Variants in HMCN1 observed in about 807,000 individuals in gnomAD.
The protein encoded by HMCN1 is hemicentin-1.
HMCN1 carries 321 observed loss-of-function variants against 625.9 expected under a neutral mutation model. The observed-to-expected ratio is 0.51, with a 90% CI of 0.47 to 0.56. The LOEUF is 0.56. Among genes scored for constraint, HMCN1 ranks in the 20% least tolerant of loss-of-function variants. HMCN1 has a pLI of 0.00. For synonymous variants in HMCN1, 2,425 were observed against 2,417.6 expected (o/e 1.00, Z -0.09); for missense variants, 6,588 against 6,887.3 (o/e 0.96, Z 1.54).
At chr1:186,121,080 G>T (rs1280102636) in intron 80 of HMCN1, among the ~76,000 whole-genome samples, 3 of 152,180 alleles carry the variant, frequency 2.0e-5, no homozygotes, top group Non-Finnish European at 2.9e-5. Flanking sequence ...GGTTGGTGGA[G>T]TGTCCAAAGG....
chr1:185,734,800 C>A lies in HMCN1; in HGVS notation c.21C>A (p.Val7=), dbSNP rs755563614. ...AGAAAATGATTTCCTGGGAAGTTGT[C>A]CATACAGTATTCCTGTTTGCTCTTC... MISWEV[V]HTVFLFALLY... Residue 7 remains valine (V), a synonymous_variant, in exon 1 of 107, where the codon GTC becomes GTA. Coordinates refer to ENST00000271588, the MANE Select transcript of HMCN1 (RefSeq NM_031935.3). The A allele has an allele frequency of 2.5e-6, 4 of 1,614,096 alleles. No individual in the cohort carries two copies. The highest frequency in any genetic ancestry group is 2.2e-5 in the South Asian group (2 of 91,078).
intron 46 of HMCN1, 81 bp downstream of exon 46, chr1:186,057,482 T>G (rs1453150590): frequency 1.0e-6 from 1 of 999,324 alleles, no homozygotes; most frequent in African/African-American, 1.6e-5. Context: ...TTGCTCAGTG[T>G]TTTTATTGTT....
intron 31 of HMCN1, 147 bp downstream of exon 31, chr1:186,015,584 TG>T: frequency 1.2e-6 from 1 of 842,610 alleles, no homozygotes; most frequent in Non-Finnish European, 1.9e-6. Context: ...TTCCATGATT[TG>T]GAAAAATATT....
chr1:186,136,201 CTT>C (rs1649596470), intron 86 of HMCN1, among the ~76,000 whole-genome samples: 1 of 152,058 alleles, frequency 6.6e-6, no homozygotes, highest in Admixed American at 6.6e-5. Flanking sequence ...GTTAATGACT[CTT>C]TACCTCAAAA....
chr1:185,781,564 T>G (rs1263849280), intron 1 of HMCN1, among the ~76,000 whole-genome samples: 1 of 152,226 alleles, frequency 6.6e-6, no homozygotes, highest in African/African-American at 2.4e-5. Flanking sequence ...TTCTCATTGG[T>G]TTCAAAGAAC....
chr1:185,910,907 G>A (rs530009757), intron 5 of HMCN1, among the ~76,000 whole-genome samples: 2 of 152,146 alleles, frequency 1.3e-5, no homozygotes, highest in African/African-American at 4.8e-5. Context: ...GTAGTCCATG[G>A]GAAAGTCAAG....
At position 186,039,728 on chromosome 1, in the gene HMCN1, T is replaced by C; in HGVS notation, c.6029T>C (p.Val2010Ala). 1 of 1,613,356 alleles carries C rather than the reference T, an allele frequency of 6.2e-7. No homozygotes were observed. Among genetic ancestry groups the C allele is most frequent in the South Asian group, 1.1e-5 (1 of 91,070 alleles). The change falls in exon 39 of 107, where the codon GTG (valine) becomes GCG (alanine). Residue 2010 changes from valine (V) to alanine (A), a missense_variant and splice_region_variant. This residue lies in a region of HMCN1 where 4,628 missense variants were observed against 4,853.1 expected (regional missense o/e 0.95). Transcript: ENST00000271588. ...TCTTACTTTCATTTGTTTTTTTCAG[T>C]GGCCCCATCAATTTCTGGCAGCAAT... ...TELFYSLQVH[V>A]APSISGSNNM... is the part of the protein sequence containing the mutation.
rs186276617 is a variant in HMCN1 at position 185,743,066 on chromosome 1, A to C, written c.268+8019A>C. ...TGACATTGCTTATGATTTGTTTCTG[A>C]TCAAACAGACAATAACCATTCTTGA... On this transcript the variant is annotated intron_variant, in intron 1 of 106. Transcript: ENST00000271588. Among the ~76,000 whole-genome samples, 105 of 152,268 alleles carry C rather than the reference A, an allele frequency of 6.9e-4. 1 individual carries two copies. Among genetic ancestry groups the C allele is most frequent in the African/African-American group, 2.4e-3 (100 of 41,544 alleles).
intron 1 of HMCN1, among the ~76,000 whole-genome samples, chr1:185,820,491 T>C (rs902066131): frequency 6.6e-6 from 1 of 152,170 alleles, no homozygotes; most frequent in Admixed American, 6.6e-5. Context: ...CAATCAATCT[T>C]GCTCAAACTA....
intron 2 of HMCN1, among the ~76,000 whole-genome samples, chr1:185,860,389 T>A (rs1662791854): frequency 6.6e-6 from 1 of 152,168 alleles, no homozygotes; most frequent in Non-Finnish European, 1.5e-5. Flanking sequence ...AAAAATATAA[T>A]TAAGCTGCAT....
rs1156249588 is a variant in HMCN1 at position 185,989,112 on chromosome 1, A to G, written c.3049-376A>G. ...AAGTTCCACCTCCCGGGTTCACGCCATTCTCCTGCCTCAGCCTCCCGAGTA... is the reference window on the plus strand; with the variant it reads ...AAGTTCCACCTCCCGGGTTCACGCCGTTCTCCTGCCTCAGCCTCCCGAGTA... On this transcript the variant is annotated intron_variant, in intron 20 of 106. Coordinates refer to ENST00000271588, the MANE Select transcript of HMCN1 (RefSeq NM_031935.3). 2.1e-5 allele frequency among the ~76,000 whole-genome samples: 3 copies of G among 143,034 alleles called. No individual in the cohort carries two copies. In the East Asian group the frequency reaches 6.2e-4, roughly 30 times the overall value. 93.8% of individuals were successfully genotyped at this position (143,034 alleles called of 152,430 possible). A position where few individuals can be genotyped will look rare whatever the true frequency, so the allele number is the denominator to read the frequency against.
intron 97 of HMCN1, among the ~76,000 whole-genome samples, chr1:186,158,097 C>T (rs1314944098): frequency 1.5e-4 from 22 of 147,752 alleles, no homozygotes; most frequent in Non-Finnish European, 2.2e-4. Flanking sequence ...TCCTCTCCAG[C>T]ACCTGTTGTT....
At chr1:186,014,138 A>T (rs1654190062) in intron 30 of HMCN1, among the ~76,000 whole-genome samples, 1 of 152,118 alleles carries the variant, frequency 6.6e-6, no homozygotes, top group African/African-American at 2.4e-5. Context: ...GATAGCATGT[A>T]CGTTTGGTAG....
chr1:185,822,389 A>C (rs1015483933), intron 1 of HMCN1, among the ~76,000 whole-genome samples: 2 of 152,166 alleles, frequency 1.3e-5, no homozygotes, highest in African/African-American at 4.8e-5. Flanking sequence ...GTCTTAAAAC[A>C]TAAAATAAGC....
chr1:186,158,020 A>T (rs1475705568), intron 97 of HMCN1, among the ~76,000 whole-genome samples: 7 of 147,590 alleles, frequency 4.7e-5, no homozygotes, highest in Non-Finnish European at 9.0e-5. Flanking sequence ...CGCCACACTG[A>T]CTTCCACAAT....
chr1:185,999,439 T>C (rs1338715168), intron 25 of HMCN1, among the ~76,000 whole-genome samples: 1 of 151,654 alleles, frequency 6.6e-6, no homozygotes, highest in African/African-American at 2.4e-5. Flanking sequence ...ATTCTGTTAG[T>C]CATAAATGAA....
chr1:186,037,494 A>AT (rs1269239073), intron 36 of HMCN1, among the ~76,000 whole-genome samples: 7 of 152,220 alleles, frequency 4.6e-5, no homozygotes, highest in South Asian at 2.1e-4. Flanking sequence ...AAGTTATTCT[A>AT]TTTTTTTCTG....
Position 186,069,773 on chromosome 1 carries a change from T to C in HMCN1, c.7990T>C (p.Tyr2664His). The change falls in exon 51 of 107, where the codon TAC (tyrosine) becomes CAC (histidine). Residue 2664 changes from tyrosine (Y) to histidine (H), a missense_variant. By Grantham distance (83) the Tyr-to-His change is moderately conservative. This residue lies in a region of HMCN1 where 4,628 missense variants were observed against 4,853.1 expected (regional missense o/e 0.95). Coordinates refer to ENST00000271588, the MANE Select transcript of HMCN1 (RefSeq NM_031935.3). ...EMIKHYEVKV[Y>H]IPPIINKGDL... Reference sequence around the variant, plus strand: ...GATAAAGCACTATGAAGTGAAGGTGTACAGTAAGTTCTGAAAGAATACTAT... The same window carrying C: ...GATAAAGCACTATGAAGTGAAGGTGCACAGTAAGTTCTGAAAGAATACTAT... 1 of 1,601,138 alleles carries C rather than the reference T, an allele frequency of 6.2e-7. No individual in the cohort carries two copies. The highest frequency in any genetic ancestry group is 2.2e-5 in the East Asian group (1 of 44,718).
intron 48 of HMCN1, among the ~76,000 whole-genome samples, chr1:186,062,838 A>G (rs1470073181): frequency 6.6e-6 from 1 of 151,354 alleles, no homozygotes; most frequent in East Asian, 1.9e-4. Context: ...CACCCTTCCT[A>G]GTCCCCAAGG....
Sources: allele counts gnomAD v4.1 joint callset (sites outside exome capture counted in the v4.1 genomes callset), GRCh38; gene constraint gnomAD v4.1.1; regional missense constraint gnomAD v4.1.1; transcripts MANE v1.5; gene names NCBI Gene and HGNC (gene_info 2026-07-23, HGNC 2026-07-21).